Variants in ST3GAL3 observed in about 807,000 individuals in gnomAD.
ST3GAL3 encodes the protein ST3 beta-galactoside alpha-2,3-sialyltransferase 3, also known as CMP-N-acetylneuraminate-beta-1,4-galactoside alpha-2,3-sialyltransferase.
ST3GAL3 carries 21 observed loss-of-function variants against 50.1 expected under a neutral mutation model. The observed-to-expected ratio is 0.42, with a 90% CI of 0.30 to 0.60. The LOEUF is 0.60. Ranked by LOEUF, ST3GAL3 falls within the 20% of genes least tolerant of loss-of-function variation. The pLI is 0.19. For synonymous variants in ST3GAL3, 183 were observed against 190.0 expected (o/e 0.96, Z 0.30); for missense variants, 353 against 489.4 (o/e 0.72, Z 2.63).
At chr1:43,813,057 T>C (rs1304859504) in intron 3 of ST3GAL3, among the ~76,000 whole-genome samples, 3 of 152,212 alleles carry the variant, frequency 2.0e-5, no homozygotes, top group Admixed American at 1.3e-4. Flanking sequence ...TGTGAGCCGC[T>C]GTATAAGAGT....
intron 5 of ST3GAL3, among the ~76,000 whole-genome samples, chr1:43,843,385 G>GT (rs1470603081): frequency 1.8e-4 from 28 of 151,986 alleles, no homozygotes; most frequent in South Asian, 6.2e-4. Flanking sequence ...ACATTGATTG[G>GT]TTTTTTCTCA....
intron 5 of ST3GAL3, among the ~76,000 whole-genome samples, chr1:43,861,423 C>T (rs1057258899): frequency 3.3e-5 from 4 of 119,428 alleles, no homozygotes; most frequent in African/African-American, 8.6e-5. Flanking sequence ...AGTAATATGT[C>T]TTGGTGTGGA....
chr1:43,815,208 G>A (rs1051564373), intron 4 of ST3GAL3, among the ~76,000 whole-genome samples: 5 of 152,178 alleles, frequency 3.3e-5, no homozygotes, highest in African/African-American at 1.2e-4. Context: ...AGGACTAGGA[G>A]TCTCCTGGAA....
chr1:43,924,319 G>T (rs532726648), intron 11 of ST3GAL3, among the ~76,000 whole-genome samples: 9 of 152,132 alleles, frequency 5.9e-5, no homozygotes, highest in Non-Finnish European at 8.8e-5. Flanking sequence ...CACAGCCAGC[G>T]CCCACTTCAG....
At chr1:43,742,004 C>G (rs1165063332) in intron 2 of ST3GAL3, among the ~76,000 whole-genome samples, 2 of 152,088 alleles carry the variant, frequency 1.3e-5, no homozygotes, top group Non-Finnish European at 2.9e-5. Flanking sequence ...GCAAGAGGGT[C>G]TCAGAAGTCT....
At chr1:43,743,291 A>G (rs1012755179) in intron 2 of ST3GAL3, among the ~76,000 whole-genome samples, 1 of 112,118 alleles carries the variant, frequency 8.9e-6, no homozygotes, top group African/African-American at 2.8e-5. Flanking sequence ...ATATTGGGGG[A>G]AAAAACCTAG....
intron 9 of ST3GAL3, among the ~76,000 whole-genome samples, chr1:43,906,783 A>C (rs777530954): frequency 2.6e-5 from 4 of 152,166 alleles, no homozygotes; most frequent in African/African-American, 4.8e-5. Context: ...TCAGTTTATC[A>C]GCTTTCCTTG....
chr1:43,926,922 C>G (rs757471635), intron 11 of ST3GAL3, among the ~76,000 whole-genome samples: 2 of 152,176 alleles, frequency 1.3e-5, no homozygotes, highest in Admixed American at 6.5e-5. Flanking sequence ...TCCTGCCCCC[C>G]ACCTTCCACA....
intron 2 of ST3GAL3, among the ~76,000 whole-genome samples, chr1:43,778,194 G>A (rs1003838530): frequency 2.6e-5 from 4 of 152,138 alleles, no homozygotes; most frequent in Non-Finnish European, 5.9e-5. Flanking sequence ...ACCAAAAACC[G>A]TATGTTCTCA....
chr1:43,719,761 C>A (rs1017568640), intron 1 of ST3GAL3, among the ~76,000 whole-genome samples: 1 of 151,264 alleles, frequency 6.6e-6, no homozygotes, highest in Non-Finnish European at 1.5e-5. Flanking sequence ...GGCGAAAGCC[C>A]GTCTCTACTA....
At chr1:43,843,218 A>C (rs1305362863) in intron 5 of ST3GAL3, among the ~76,000 whole-genome samples, 2 of 152,206 alleles carry the variant, frequency 1.3e-5, no homozygotes, top group Non-Finnish European at 2.9e-5. Flanking sequence ...TAGGTTTTTC[A>C]TAGATACCAT....
At chr1:43,818,254 A>T (rs1044816459) in intron 4 of ST3GAL3, among the ~76,000 whole-genome samples, 14 of 152,328 alleles carry the variant, frequency 9.2e-5, no homozygotes, top group African/African-American at 3.1e-4. Context: ...ATAAGGATAA[A>T]CTAGAACTAT....
At chr1:43,814,804 G>A (rs2061036233) in intron 3 of ST3GAL3, 87 bp from the exon 4 acceptor site, 18 of 1,265,374 alleles carry the variant, frequency 1.4e-5, no homozygotes, top group Non-Finnish European at 2.1e-5. Context: ...AGGGTGGTCT[G>A]TCCCTGTGGT....
At chr1:43,869,847 C>T (rs1384674002) in intron 5 of ST3GAL3, among the ~76,000 whole-genome samples, 1 of 152,220 alleles carries the variant, frequency 6.6e-6, no homozygotes. Flanking sequence ...AAAACAGCGA[C>T]TGAGATAAGC....
intron 5 of ST3GAL3, among the ~76,000 whole-genome samples, chr1:43,880,454 C>A (rs2074913049): frequency 6.6e-6 from 1 of 152,120 alleles, no homozygotes; most frequent in Non-Finnish European, 1.5e-5. Flanking sequence ...TCTTCCTCCC[C>A]TCATACTCTG....
intron 2 of ST3GAL3, among the ~76,000 whole-genome samples, chr1:43,745,945 C>T (rs776026657): frequency 1.5e-4 from 23 of 152,160 alleles, no homozygotes; most frequent in Non-Finnish European, 2.6e-4. Context: ...TGTTTTGATA[C>T]GCAAATACCA....
intron 5 of ST3GAL3, among the ~76,000 whole-genome samples, chr1:43,844,856 C>G (rs550442645): frequency 4.0e-5 from 6 of 151,262 alleles, no homozygotes; most frequent in African/African-American, 1.5e-4. Flanking sequence ...GATATTAGAA[C>G]AAAAGATTCT....
At chr1:43,710,622 CTGTTA>C (rs753759579) in intron 1 of ST3GAL3, among the ~76,000 whole-genome samples, 10 of 152,218 alleles carry the variant, frequency 6.6e-5, no homozygotes, top group Non-Finnish European at 1.3e-4. Context: ...TCTTGCCATT[CTGTTA>C]TATTTTCCAG....
intron 7 of ST3GAL3, chr1:43,898,538 G>T: frequency 1.7e-6 from 1 of 596,938 alleles, no homozygotes; most frequent in South Asian, 1.8e-5. Context: ...AGGTTTGAGG[G>T]TAAGAACTGA....
Sources: gnomAD v4.1 joint callset for allele counts (sites outside exome capture counted in the v4.1 genomes callset) on GRCh38, gnomAD v4.1.1 for gene constraint, MANE v1.5 for transcripts, NCBI Gene and HGNC (gene_info 2026-07-23, HGNC 2026-07-21) for gene names.